Variants in KIF6 observed in about 807,000 individuals in gnomAD.
KIF6 encodes kinesin-like protein KIF6.
Under a neutral mutation model 112.7 loss-of-function variants are expected in KIF6, and 106 were observed. The ratio of observed to expected loss-of-function variants is 0.94; its 90% CI spans 0.80 to 1.11. The LOEUF is 1.11. Among genes scored for constraint, KIF6 ranks in the 50% least tolerant of loss-of-function variants. The probability of loss-of-function intolerance (pLI) is 0.00; values close to 1 mark genes in which losing one functional copy is unlikely to be tolerated. For synonymous variants in KIF6, 339 were observed against 339.9 expected, an observed-to-expected ratio of 1.00 and a Z score of 0.03; for missense variants, 929 against 964.0, an observed-to-expected ratio of 0.96 and a Z score of 0.48.
At chr6:39,626,899 GT>G (rs1582306379) in intron 5 of KIF6, among the ~76,000 whole-genome samples, 1 of 151,990 alleles carries the variant, frequency 6.6e-6, no homozygotes, top group South Asian at 2.1e-4. Context: ...TAGTTCCTTT[GT>G]TTTTTTACTC....
chr6:39,559,399 C>T (rs1779894222), intron 10 of KIF6, among the ~76,000 whole-genome samples: 1 of 152,082 alleles, frequency 6.6e-6, no homozygotes, highest in South Asian at 2.1e-4. Context: ...CAATTCTCAA[C>T]CACTGGGACA....
chr6:39,444,149 A>G (rs1772155471), intron 13 of KIF6, among the ~76,000 whole-genome samples: 1 of 152,206 alleles, frequency 6.6e-6, no homozygotes, highest in Non-Finnish European at 1.5e-5. Context: ...TTAAGGTTGA[A>G]AGAGGTTAAA....
chr6:39,576,631 C>A (rs753905159), intron 10 of KIF6, among the ~76,000 whole-genome samples: 9 of 152,284 alleles, frequency 5.9e-5, no homozygotes, highest in Middle Eastern at 3.4e-3. Context: ...TCTTCAGTGG[C>A]TGCAGCGGCT....
At chr6:39,652,763 G>C (rs1785552047) in intron 3 of KIF6, among the ~76,000 whole-genome samples, 1 of 152,078 alleles carries the variant, frequency 6.6e-6, no homozygotes, top group Admixed American at 6.6e-5. Context: ...TAGCCTTAGA[G>C]AAGTTAACTA....
At chr6:39,641,258 GT>G (rs1784882811) in intron 3 of KIF6, among the ~76,000 whole-genome samples, 1 of 152,026 alleles carries the variant, frequency 6.6e-6, no homozygotes, top group African/African-American at 2.4e-5. Flanking sequence ...AAGAATAGAT[GT>G]AAAATATTCT....
intron 13 of KIF6, among the ~76,000 whole-genome samples, chr6:39,460,013 C>T (rs1773359696): frequency 1.4e-5 from 2 of 143,614 alleles, no homozygotes; most frequent in African/African-American, 2.6e-5. Context: ...ACCCAGCCAT[C>T]CCATTACTGG....
chr6:39,718,229 C>CAAAAAAAAAAAAAAAAAAA (rs35872391), intron 2 of KIF6, among the ~76,000 whole-genome samples: 1 of 58,948 alleles, frequency 1.7e-5, no homozygotes, highest in Non-Finnish European at 3.0e-5. Flanking sequence ...GACTCCATCT[C>CAAAAAAAAAAAAAAAAAAA]AAAAAAAAAA....
chr6:39,686,503 A>AG (rs1787878306), intron 3 of KIF6, among the ~76,000 whole-genome samples: 1 of 152,222 alleles, frequency 6.6e-6, no homozygotes, highest in African/African-American at 2.4e-5. Flanking sequence ...CAAGGTGAGT[A>AG]GTTTGAGAAA....
At chr6:39,616,122 T>C (rs1166462493) in intron 5 of KIF6, among the ~76,000 whole-genome samples, 1 of 152,234 alleles carries the variant, frequency 6.6e-6, no homozygotes, top group Non-Finnish European at 1.5e-5. Flanking sequence ...TATGGGTCAC[T>C]GATTTGCGAT....
At chr6:39,639,177 A>G (rs933675879) in intron 4 of KIF6, among the ~76,000 whole-genome samples, 1 of 152,108 alleles carries the variant, frequency 6.6e-6, no homozygotes, top group African/African-American at 2.4e-5. Context: ...TTACAACGGT[A>G]TTTGTACTTT....
chr6:39,441,458 ATGTG>A (rs925080396), intron 13 of KIF6, among the ~76,000 whole-genome samples: 5 of 152,164 alleles, frequency 3.3e-5, no homozygotes, highest in Non-Finnish European at 7.3e-5. Context: ...ATGCCCTAGC[ATGTG>A]TGTATCACTG....
chr6:39,367,635 G>A (rs533564409), intron 16 of KIF6, among the ~76,000 whole-genome samples: 1 of 152,288 alleles, frequency 6.6e-6, no homozygotes, highest in African/African-American at 2.4e-5. Context: ...GAAGTCACGG[G>A]TGTTTTGGAA....
At chr6:39,379,566 G>A (rs1032332745) in intron 16 of KIF6, among the ~76,000 whole-genome samples, 1 of 152,248 alleles carries the variant, frequency 6.6e-6, no homozygotes. Flanking sequence ...GGCAAAAGCA[G>A]ATTTTGGGAG....
intron 13 of KIF6, among the ~76,000 whole-genome samples, chr6:39,509,936 C>G (rs1227196258): frequency 6.6e-6 from 1 of 152,074 alleles, no homozygotes. Flanking sequence ...TTGTCAGATT[C>G]ACCAAGGCTG....
Position 39,682,870 on chromosome 6 carries a change from G to C in KIF6, c.251+31822C>G, listed in dbSNP as rs1255825040. Among the ~76,000 whole-genome samples, 7 of 31,186 alleles carry C rather than the reference G, an allele frequency of 2.2e-4. 1 individual carries two copies. The highest frequency in any genetic ancestry group is 4.5e-4 in the Admixed American group (1 of 2,220). The allele number at this position is 31,186 out of a possible 152,430, so 20.5% of individuals were successfully genotyped here. On this transcript the variant is annotated intron_variant, in intron 3 of 22. Transcript: ENST00000287152. ...TGGGGTTACAGGCATGAGCCACCGC[G>C]CCAGCGTGACTAGATATTTCTAATG...
intron 13 of KIF6, among the ~76,000 whole-genome samples, chr6:39,431,836 C>T (rs767289317): frequency 6.6e-6 from 1 of 152,172 alleles, no homozygotes; most frequent in Non-Finnish European, 1.5e-5. Context: ...ACGGTCAGTA[C>T]AGCCAGGACC....
intron 10 of KIF6, among the ~76,000 whole-genome samples, chr6:39,561,048 T>G (rs1779982057): frequency 6.6e-6 from 1 of 152,248 alleles, no homozygotes; most frequent in African/African-American, 2.4e-5. Context: ...ACTTATGGAC[T>G]ATGCAGATAA....
intron 15 of KIF6, among the ~76,000 whole-genome samples, chr6:39,416,477 T>G (rs988379370): frequency 1.4e-4 from 22 of 152,132 alleles, no homozygotes; most frequent in Admixed American, 1.4e-3. Context: ...AAACACAGAC[T>G]CTTATTATTT....
intron 6 of KIF6, among the ~76,000 whole-genome samples, chr6:39,597,563 C>A (rs1303574875): frequency 1.3e-5 from 2 of 152,014 alleles, no homozygotes; most frequent in African/African-American, 4.8e-5. Context: ...AACCAACTAT[C>A]CATCTTGAAA....
Sources: allele counts gnomAD v4.1 joint callset (sites outside exome capture counted in the v4.1 genomes callset), GRCh38; gene constraint gnomAD v4.1.1; transcripts MANE v1.5; gene names NCBI Gene and HGNC (gene_info 2026-07-23, HGNC 2026-07-21).